The following ABCB8 variants were observed in gnomAD, a reference collection of about 807,000 sequenced individuals.
ABCB8 encodes the protein ATP binding cassette subfamily B member 8.
In ABCB8, 52 loss-of-function variants were observed where a neutral mutation model predicts 73.0. That is an observed-to-expected ratio of 0.71 (90% confidence interval 0.57 to 0.90). The LOEUF (loss-of-function observed/expected upper bound fraction) is 0.90. Among genes scored for constraint, ABCB8 ranks in the 40% least tolerant of loss-of-function variants. ABCB8 has a pLI of 0.00. For missense variants in ABCB8, 909 were observed against 974.6 expected, an observed-to-expected ratio of 0.93 and a Z score of 0.90; for synonymous variants, 428 against 423.5, an observed-to-expected ratio of 1.01 and a Z score of -0.13.
intron 13 of ABCB8, 76 bp downstream of exon 13, chr7:151,041,308 G>A (rs988062880): frequency 1.3e-6 from 2 of 1,483,174 alleles, no homozygotes; most frequent in South Asian, 1.3e-5. Context: ...GTCCTCAGGT[G>A]CCTTTTCTTT....
At chr7:151,031,536 C>G (rs1362035369) in intron 1 of ABCB8, 3 of 403,136 alleles carry the variant, frequency 7.4e-6, no homozygotes, top group Non-Finnish European at 8.9e-6. Flanking sequence ...GTAAGCTTAT[C>G]TAGATCTTCT....
chr7:151,036,779 C>T, intron 9 of ABCB8, 130 bp downstream of exon 9: 1 of 835,978 alleles, frequency 1.2e-6, no homozygotes, highest in Non-Finnish European at 2.0e-6. Flanking sequence ...GCCCAGCTTC[C>T]CCAGGGATGC....
chr7:151,039,667 T>C (rs1455595392), intron 9 of ABCB8: 1 of 152,272 alleles, frequency 6.6e-6, no homozygotes, highest in Non-Finnish European at 1.5e-5. Context: ...TGTTTTGGGG[T>C]CTCCTGAGAG....
Position 151,036,584 on chromosome 7 carries a change from G to T in ABCB8, c.1152G>T (p.Val384=). 1 of 1,613,986 alleles carries T rather than the reference G, an allele frequency of 6.2e-7. No homozygotes were observed. The change falls in exon 9 of 16, where the codon GTG becomes GTT. Residue 384 remains valine (V), a synonymous_variant. Transcript: ENST00000358849. ...CCCTATTTATTGGGGGCTCCCTTGT[G>T]GCCGGACAGCAGCTGACAGGGGGAG... ...LGTLFIGGSL[V]AGQQLTGGDL... is the part of the protein sequence containing the mutation.
chr7:151,045,262 C>G lies in ABCB8; in HGVS notation c.2070C>G (p.Ile690Met). ...LKKGGLYAEL[I>M]RRQALDAPRT... Reference sequence around the variant, plus strand: ...AAGGCGGGCTATACGCCGAGCTCATCCGGAGGCAGGCCCTGGATGCCCCGA... The same window carrying G: ...AAGGCGGGCTATACGCCGAGCTCATGCGGAGGCAGGCCCTGGATGCCCCGA... Residue 690 changes from isoleucine to methionine, a missense_variant, in exon 16 of 16, where the codon ATC (isoleucine) becomes ATG (methionine). Ile to Met is a conservative substitution (Grantham distance 10). Transcript: ENST00000358849. 1 of 1,605,022 alleles carries G rather than the reference C, an allele frequency of 6.2e-7. No homozygotes were observed. Among genetic ancestry groups the G allele is most frequent in the Non-Finnish European group, 8.5e-7 (1 of 1,175,446 alleles).
chr7:151,034,184 TG>T (rs1563288916), intron 2 of ABCB8, 88 bp from the exon 3 acceptor site: 3 of 1,432,820 alleles, frequency 2.1e-6, no homozygotes, highest in Non-Finnish European at 1.9e-6. Context: ...TGCTCAGTAG[TG>T]GGAGAGGAAG....
Position 151,036,666 on chromosome 7 carries a change from C to A in ABCB8, c.1217+17C>A, listed in dbSNP as rs1434089262. On this transcript the variant is annotated intron_variant, in intron 9 of 15. Coordinates refer to ENST00000358849, the MANE Select transcript of ABCB8 (RefSeq NM_007188.5). ...AGTGCAAAGGTAAGTGGGGGCCGTTCCCATTGCTACAGAGCCCCCTGCCGC... is the reference window on the plus strand; with the variant it reads ...AGTGCAAAGGTAAGTGGGGGCCGTTACCATTGCTACAGAGCCCCCTGCCGC... 3 of 1,573,574 alleles carry A rather than the reference C, an allele frequency of 1.9e-6. No individual in the cohort carries two copies. In the African/African-American group the frequency reaches 4.1e-5, roughly 21 times the overall value.
chr7:151,031,424 G>A, intron 1 of ABCB8: 2 of 1,267,136 alleles, frequency 1.6e-6, no homozygotes, highest in Non-Finnish European at 2.1e-6. Context: ...AGCAGGGGAA[G>A]GATGAGATGA....
chr7:151,043,962 C>A lies in ABCB8; in HGVS notation c.1766-9C>A. On this transcript the variant is annotated splice_polypyrimidine_tract_variant and intron_variant, in intron 14 of 15. Transcript: ENST00000358849. ...GCTTCAGGCTCCTGCCCTGCCCCTC[C>A]CTTCCCAGGTGAACGGGGCACTACC... 1 of 1,606,356 alleles carries A rather than the reference C, an allele frequency of 6.2e-7. No homozygotes were observed.
rs878861460 is a variant in ABCB8 at position 151,033,135 on chromosome 7, G to T, written c.96-470G>T. On this transcript the variant is annotated intron_variant, in intron 1 of 15. Transcript: ENST00000358849. Reference sequence around the variant, plus strand: ...TAGCCCATTAGCTCCAGGAGGTGGGGCTGTGTCTGCCCTGGTGGCTGCTGT... The same window carrying T: ...TAGCCCATTAGCTCCAGGAGGTGGGTCTGTGTCTGCCCTGGTGGCTGCTGT... 31 of 457,920 alleles carry T rather than the reference G, an allele frequency of 6.8e-5. 1 individual carries two copies. The highest frequency in any genetic ancestry group is 4.8e-4 in the South Asian group (31 of 64,472). 28.4% of individuals were successfully genotyped at this position (457,920 alleles called of 1,614,324 possible). A position where few individuals can be genotyped will look rare whatever the true frequency, so the allele number is the denominator to read the frequency against.
intron 1 of ABCB8, chr7:151,031,432 T>A (rs1225759912): frequency 2.9e-6 from 3 of 1,025,128 alleles, no homozygotes; most frequent in Non-Finnish European, 4.0e-6. Flanking sequence ...AAGGATGAGA[T>A]GAAGACTGCA....
At chr7:151,032,923 A>G (rs751942255) in intron 1 of ABCB8, 2 of 437,986 alleles carry the variant, frequency 4.6e-6, no homozygotes, top group African/African-American at 2.0e-5. Context: ...ATCAGAAGAC[A>G]TGGCACACTG....
intron 9 of ABCB8, chr7:151,037,323 G>A: frequency 1.4e-6 from 1 of 702,740 alleles, no homozygotes; most frequent in South Asian, 1.5e-5. Context: ...TCCTTGACAG[G>A]CTGTGTGAGC....
chr7:151,033,602 C>G lies in ABCB8; in HGVS notation c.96-3C>G. On this transcript the variant is annotated splice_polypyrimidine_tract_variant and splice_region_variant and intron_variant, in intron 1 of 15. Coordinates refer to ENST00000358849, the MANE Select transcript of ABCB8 (RefSeq NM_007188.5). ...AGCCATCCATGCCTCTCTCTCCTTA[C>G]AGGTACTCTGATGGCTACCGCAGCT... is the stretch of plus-strand genomic sequence containing the variant. The G allele has an allele frequency of 2.6e-6, 4 of 1,563,422 alleles. No individual in the cohort carries two copies. The highest frequency in any genetic ancestry group is 3.5e-6 in the Non-Finnish European group (4 of 1,152,020).
Position 151,034,933 on chromosome 7 carries a change from G to A in ABCB8, c.765+104G>A, listed in dbSNP as rs188533468. 237 of 1,014,696 alleles carry A rather than the reference G, an allele frequency of 2.3e-4. 2 individuals are homozygous for A. The South Asian group carries it at 3.4e-3, about 14-fold the overall frequency. The allele number at this position is 1,014,696 out of a possible 1,614,324, so 62.9% of individuals were successfully genotyped here. A position where few individuals can be genotyped will look rare whatever the true frequency, so the allele number is the denominator to read the frequency against. The stretch of plus-strand genomic sequence containing the variant: ...CAGCCCTGATGTTGGGCTGACAGGC[G>A]CATGCTGACTCGAGAAACCCACTGC... On this transcript the variant is annotated intron_variant, in intron 5 of 15. Transcript: ENST00000358849.
At chr7:151,032,571 G>A (rs537240017) in intron 1 of ABCB8, among the ~76,000 whole-genome samples, 1 of 152,190 alleles carries the variant, frequency 6.6e-6, no homozygotes, top group African/African-American at 2.4e-5. Flanking sequence ...GCTCGTGCCT[G>A]TAGTCCCAGC....
At chr7:151,036,793 G>C in intron 9 of ABCB8, 144 bp downstream of exon 9, 3 of 803,322 alleles carry the variant, frequency 3.7e-6, no homozygotes. Context: ...GGGATGCATA[G>C]GGTGGGGAGA....
intron 13 of ABCB8, among the ~76,000 whole-genome samples, 164 bp from the exon 14 acceptor site, chr7:151,041,797 A>G (rs1310561366): frequency 6.6e-6 from 1 of 152,038 alleles, no homozygotes; most frequent in African/African-American, 2.4e-5. Flanking sequence ...TTTGGGGGCC[A>G]CTCTGCATCC....
rs562303011 is a variant in ABCB8 at position 151,030,477 on chromosome 7, T to G, written c.95+1867T>G. Among the ~76,000 whole-genome samples the G allele has an allele frequency of 4.6e-5, 7 of 151,372 alleles. No individual in the cohort carries two copies. The East Asian group carries it at 1.4e-3, about 30-fold the overall frequency. Reference sequence around the variant, plus strand: ...TTGCAGTGAGCCGAGATTGTGCCATTGCGCTCCAGCATGACAGAGCAAGAC... The same window carrying G: ...TTGCAGTGAGCCGAGATTGTGCCATGGCGCTCCAGCATGACAGAGCAAGAC... On this transcript the variant is annotated intron_variant, in intron 1 of 15. Coordinates refer to ENST00000358849, the MANE Select transcript of ABCB8 (RefSeq NM_007188.5).
Sources: allele counts gnomAD v4.1 joint callset (sites outside exome capture counted in the v4.1 genomes callset), GRCh38; gene constraint gnomAD v4.1.1; transcripts MANE v1.5; gene names NCBI Gene and HGNC (gene_info 2026-07-23, HGNC 2026-07-21).